SH3BP5: variants seen among roughly 807,000 people sequenced by gnomAD.
SH3BP5 encodes the protein SH3 domain-binding protein 5.
SH3BP5 carries 22 observed loss-of-function variants against 43.3 expected under a neutral mutation model. The ratio of observed to expected loss-of-function variants is 0.51; its 90% CI spans 0.36 to 0.73. SH3BP5 has a LOEUF of 0.73. Ranked by LOEUF, SH3BP5 falls within the 30% of genes least tolerant of loss-of-function variation. The probability of loss-of-function intolerance (pLI) is 0.00; values close to 1 mark genes in which losing one functional copy is unlikely to be tolerated. For synonymous variants in SH3BP5, 255 were observed against 225.8 expected (o/e 1.13, Z -1.16); for missense variants, 529 against 586.9 (o/e 0.90, Z 1.02).
chr3:15,297,369 T>G (rs1227824987), intron 3 of SH3BP5, among the ~76,000 whole-genome samples: 1 of 152,178 alleles, frequency 6.6e-6, no homozygotes, highest in Non-Finnish European at 1.5e-5. Flanking sequence ...GCCTGTTTCC[T>G]CTTCTACCCA....
chr3:15,309,997 T>A (rs1698012230), intron 2 of SH3BP5, among the ~76,000 whole-genome samples: 1 of 142,746 alleles, frequency 7.0e-6, no homozygotes, highest in African/African-American at 2.6e-5. Flanking sequence ...AGTATTGAGG[T>A]ATGAGAGGCC....
intron 8 of SH3BP5, 107 bp downstream of exon 8, chr3:15,256,746 A>C: frequency 8.0e-7 from 1 of 1,246,980 alleles, no homozygotes; most frequent in Non-Finnish European, 1.1e-6. Flanking sequence ...GAGACCTGGT[A>C]ATGCAGCATG....
intron 7 of SH3BP5, 120 bp from the exon 8 acceptor site, chr3:15,257,233 A>G: frequency 9.7e-7 from 1 of 1,028,330 alleles, no homozygotes; most frequent in Non-Finnish European, 1.4e-6. Flanking sequence ...TACCTCTGTG[A>G]GTGCCTAATG....
At chr3:15,312,420 C>T (rs975771040) in intron 2 of SH3BP5, among the ~76,000 whole-genome samples, 1 of 152,016 alleles carries the variant, frequency 6.6e-6, no homozygotes, top group African/African-American at 2.4e-5. Flanking sequence ...TTTTATATGG[C>T]AAATATTAAT....
chr3:15,330,537 C>T lies in SH3BP5; in HGVS notation c.168G>A (p.Thr56=). 1.2e-6 allele frequency: 2 copies of T among 1,611,610 alleles called. No homozygotes were observed. The highest frequency in any genetic ancestry group is 1.7e-4 in the Middle Eastern group (1 of 6,058). ...CAGTCTCCCGTCTGTTGATATCATCCGTGGACTGATTTAACTTCTCCAGTT... is the reference window on the plus strand; with the variant it reads ...CAGTCTCCCGTCTGTTGATATCATCTGTGGACTGATTTAACTTCTCCAGTT... ...QGELEKLNQS[T]DDINRRETEL... is the part of the protein sequence containing the mutation. Residue 56 remains threonine (T), a synonymous_variant, in exon 2 of 9, where the codon ACG becomes ACA. Coordinates refer to ENST00000383791, the MANE Select transcript of SH3BP5 (RefSeq NM_004844.5).
At chr3:15,309,027 C>T (rs1697983481) in intron 2 of SH3BP5, among the ~76,000 whole-genome samples, 1 of 152,036 alleles carries the variant, frequency 6.6e-6, no homozygotes. Flanking sequence ...ATACTGACCA[C>T]AATGGATTCT....
chr3:15,332,176 G>A, intron 1 of SH3BP5, 95 bp downstream of exon 1: 2 of 1,528,236 alleles, frequency 1.3e-6, no homozygotes, highest in Non-Finnish European at 1.8e-6. Context: ...CCGGACCACA[G>A]TTACTGGGGG....
intron 7 of SH3BP5, among the ~76,000 whole-genome samples, chr3:15,257,820 C>CT (rs2125039483): frequency 6.6e-6 from 1 of 152,324 alleles, no homozygotes; most frequent in South Asian, 2.1e-4. Flanking sequence ...CTTATTAGAA[C>CT]TTTCCTACTC....
At chr3:15,266,465 A>G (rs1575287492) in intron 4 of SH3BP5, among the ~76,000 whole-genome samples, 1 of 152,194 alleles carries the variant, frequency 6.6e-6, no homozygotes, top group East Asian at 1.9e-4. Context: ...GAGCTCTTTC[A>G]GCAGACATCA....
At position 15,256,872 on chromosome 3, in the gene SH3BP5, A is replaced by C; in HGVS notation, c.1131T>G (p.Pro377=). The change falls in exon 8 of 9, where the codon CCT becomes CCG. Residue 377 remains proline (P), a synonymous_variant. Coordinates refer to ENST00000383791, the MANE Select transcript of SH3BP5 (RefSeq NM_004844.5). ...PRSECSGASS[P]ECEVERGDRA... ...ACTCACCTCGTTCTACTTCACATTC[A>C]GGGGAGGAGGCCCCGCTGCATTCAC... 2 of 1,611,482 alleles carry C rather than the reference A, an allele frequency of 1.2e-6. No homozygotes were observed. The highest frequency in any genetic ancestry group is 2.2e-5 in the South Asian group (2 of 90,982).
intron 2 of SH3BP5, among the ~76,000 whole-genome samples, chr3:15,311,835 G>A (rs1437998504): frequency 4.0e-5 from 6 of 151,814 alleles, no homozygotes; most frequent in East Asian, 1.9e-4. Flanking sequence ...GACCACACCC[G>A]GCTAATTTTT....
chr3:15,288,849 A>G (rs900583612), intron 3 of SH3BP5, among the ~76,000 whole-genome samples: 2 of 152,268 alleles, frequency 1.3e-5, no homozygotes, highest in Admixed American at 6.5e-5. Context: ...AGTATTTGTT[A>G]AAGTATGAAT....
intron 4 of SH3BP5, among the ~76,000 whole-genome samples, chr3:15,265,552 A>ACACACACACAC (rs1696610603): frequency 6.9e-6 from 1 of 145,070 alleles, no homozygotes; most frequent in East Asian, 2.0e-4. Context: ...ACACACACAC[A>ACACACACACAC]CACACACAAC....
chr3:15,280,916 G>A (rs1697110196), intron 3 of SH3BP5, among the ~76,000 whole-genome samples: 1 of 152,232 alleles, frequency 6.6e-6, no homozygotes, highest in African/African-American at 2.4e-5. Flanking sequence ...GATGCACGAT[G>A]CAGACCCAGG....
intron 3 of SH3BP5, among the ~76,000 whole-genome samples, chr3:15,282,241 G>A (rs1170790855): frequency 3.3e-5 from 5 of 152,150 alleles, no homozygotes; most frequent in Non-Finnish European, 5.9e-5. Context: ...CTCAGTTACA[G>A]TACTGAAAAT....
intron 2 of SH3BP5, among the ~76,000 whole-genome samples, chr3:15,330,137 G>T (rs1002379991): frequency 6.6e-6 from 1 of 152,254 alleles, no homozygotes; most frequent in African/African-American, 2.4e-5. Flanking sequence ...GGCAGGAACT[G>T]CCCTGAATAT....
chr3:15,319,248 A>G (rs537494552), intron 2 of SH3BP5, among the ~76,000 whole-genome samples: 186 of 152,300 alleles, frequency 1.2e-3, no homozygotes, highest in Non-Finnish European at 2.3e-3. Flanking sequence ...ATTGCTAAAA[A>G]CTGTCCATCT....
At chr3:15,279,097 GA>G (rs1302156751) in intron 3 of SH3BP5, among the ~76,000 whole-genome samples, 1 of 152,108 alleles carries the variant, frequency 6.6e-6, no homozygotes, top group African/African-American at 2.4e-5. Context: ...TGGAACCTGG[GA>G]GGTGGAGGTT....
intron 3 of SH3BP5, among the ~76,000 whole-genome samples, chr3:15,292,754 A>G (rs1250926246): frequency 1.3e-5 from 2 of 152,216 alleles, no homozygotes; most frequent in Non-Finnish European, 2.9e-5. Flanking sequence ...AGGCTGAAGC[A>G]GGAGAATTGC....
Sources: gnomAD v4.1 joint callset for allele counts (sites outside exome capture counted in the v4.1 genomes callset) on GRCh38, gnomAD v4.1.1 for gene constraint, MANE v1.5 for transcripts, NCBI Gene and HGNC (gene_info 2026-07-23, HGNC 2026-07-21) for gene names.